SVOP: variants seen among roughly 807,000 people sequenced by gnomAD.
The protein encoded by SVOP is SV2 related protein, also known as synaptic vesicle 2-related protein.
In SVOP, 17 loss-of-function variants were observed where a neutral mutation model predicts 69.1. The ratio of observed to expected loss-of-function variants is 0.25; its 90% CI spans 0.17 to 0.37. SVOP has a LOEUF of 0.37. Ranked by LOEUF, SVOP falls within the 10% of genes least tolerant of loss-of-function variation. The pLI is 1.00. For synonymous variants in SVOP, 238 were observed against 238.6 expected, an observed-to-expected ratio of 1.00 and a Z score of 0.02; for missense variants, 435 against 597.5, an observed-to-expected ratio of 0.73 and a Z score of 2.84.
chr12:108,945,138 T>C lies in SVOP; in HGVS notation c.607A>G (p.Met203Val). 1 of 1,537,066 alleles carries C rather than the reference T, an allele frequency of 6.5e-7. No individual in the cohort carries two copies. Among genetic ancestry groups the C allele is most frequent in the Non-Finnish European group, 8.7e-7 (1 of 1,146,862 alleles). Residue 203 changes from methionine (M) to valine (V), a missense_variant, in exon 7 of 16, where the codon ATG becomes GTG. Physicochemically the swap from Met to Val is conservative, Grantham distance 21 (BLOSUM62 1). Transcript: ENST00000610966. The stretch of plus-strand genomic sequence containing the variant: ...AAAATACATTTAGCTCTGGCTTTCA[T>C]GGGAAGGAACTCGGCATACAGCGTC... ...SVTLYAEFLP[M>V]KARAKCILLI...
In SVOP at chr12:108,911,834, G is replaced by A. The variant is rs1336958584; in HGVS notation, c.*701C>T. The A allele has an allele frequency of 2.0e-5, 3 of 152,238 alleles. No homozygotes were observed. The highest frequency in any genetic ancestry group is 4.4e-5 in the Non-Finnish European group (3 of 68,086). 9.4% of individuals were successfully genotyped at this position (152,238 alleles called of 1,614,324 possible). A position where few individuals can be genotyped will look rare whatever the true frequency, so the allele number is the denominator to read the frequency against. ...TTTGGCCTCAGTCCTCAGTTCCCAG[G>A]GGGTAACGGCGTTCTGAGGTTGTCA... On this transcript the variant is annotated 3_prime_UTR_variant, in exon 16 of 16. Transcript: ENST00000610966.
intron 6 of SVOP, among the ~76,000 whole-genome samples, chr12:108,952,230 C>CTTTTTTTTTTT (rs36191772): frequency 2.0e-5 from 2 of 98,360 alleles, no homozygotes; most frequent in Non-Finnish European, 4.0e-5. Flanking sequence ...TTTCTTTTCT[C>CTTTTTTTTTTT]TTTTTTTTTT....
intron 1 of SVOP, among the ~76,000 whole-genome samples, chr12:109,003,905 A>G (rs897514299): frequency 2.6e-5 from 4 of 152,114 alleles, no homozygotes; most frequent in African/African-American, 9.7e-5. Flanking sequence ...ACAGAGCCCA[A>G]CCTCCCTGCA....
chr12:108,918,124 T>C lies in SVOP; in HGVS notation c.1269A>G (p.Arg423=). The part of the protein sequence containing the change: ...CSLLLFICVG[R]NVLTLLLFIA... ...TGAAGAGTAACAGAGTGAGCACATT[T>C]CTAGGAGGAGGATAAAGGCAGATGA... is the stretch of plus-strand genomic sequence containing the variant. The change falls in exon 14 of 16, where the codon AGA becomes AGG. Residue 423 remains arginine, a splice_region_variant and synonymous_variant. Coordinates refer to ENST00000610966, the MANE Select transcript of SVOP (RefSeq NM_018711.5). The C allele has an allele frequency of 6.4e-7, 1 of 1,562,152 alleles. No individual in the cohort carries two copies. Among genetic ancestry groups the C allele is most frequent in the African/African-American group, 1.4e-5 (1 of 73,624 alleles).
Position 108,972,768 on chromosome 12 carries a change from A to G in SVOP, c.382-292T>C, listed in dbSNP as rs546491886. On this transcript the variant is annotated intron_variant, in intron 4 of 15. Transcript: ENST00000610966. ...GTTAAGTGGCGCAGCCTGCGCTGGT[A>G]TCAGGCATTCTGGCTCCAGAACTAG... Among the ~76,000 whole-genome samples, 42 of 152,360 alleles carry G rather than the reference A, an allele frequency of 2.8e-4. No individual in the cohort carries two copies. In the Middle Eastern group the frequency reaches 0.014, roughly 49 times the overall value.
chr12:108,953,132 T>C (rs1237923822), intron 6 of SVOP, among the ~76,000 whole-genome samples: 1 of 148,232 alleles, frequency 6.7e-6, no homozygotes, highest in Non-Finnish European at 1.5e-5. Flanking sequence ...AATGATCTAA[T>C]TGACTTTTTT....
At chr12:108,940,941 G>GGTA (rs1405351496) in intron 7 of SVOP, 32 bp from the exon 8 acceptor site, 2 of 1,533,450 alleles carry the variant, frequency 1.3e-6, no homozygotes, top group South Asian at 2.4e-5. Context: ...CAGTGGTGGG[G>GGTA]GTAGCATGGT....
intron 15 of SVOP, among the ~76,000 whole-genome samples, chr12:108,914,574 T>G (rs1429330849): frequency 6.6e-6 from 1 of 152,142 alleles, no homozygotes; most frequent in Non-Finnish European, 1.5e-5. Flanking sequence ...TTCTTTCCTT[T>G]TTTTTTCTTT....
chr12:109,001,172 A>ACAAG (rs1375452150), intron 1 of SVOP, among the ~76,000 whole-genome samples: 1 of 5,548 alleles, frequency 1.8e-4, no homozygotes, highest in Admixed American at 4.0e-3. Context: ...CCAATAACAG[A>ACAAG]CAGAGAGCCA....
At chr12:108,974,410 T>C (rs887697329) in intron 4 of SVOP, among the ~76,000 whole-genome samples, 2 of 152,326 alleles carry the variant, frequency 1.3e-5, no homozygotes, top group Non-Finnish European at 1.5e-5. Context: ...AAAATTTTAG[T>C]GCTTAGAGCC....
chr12:109,013,332 G>T (rs1285362171), intron 1 of SVOP, among the ~76,000 whole-genome samples: 1 of 151,954 alleles, frequency 6.6e-6, no homozygotes, highest in Non-Finnish European at 1.5e-5. Flanking sequence ...GAGGAAGAAG[G>T]CTGCAGCTTT....
rs1281817579 is a variant in SVOP at position 109,009,318 on chromosome 12, C to G, written c.35+11516G>C. Among the ~76,000 whole-genome samples the G allele has an allele frequency of 2.6e-5, 4 of 152,080 alleles. No homozygotes were observed. In the East Asian group the frequency reaches 7.7e-4, roughly 29 times the overall value. On this transcript the variant is annotated intron_variant, in intron 1 of 15. Transcript: ENST00000610966. ...ATTTAACAACCATACAGAGGGGACC[C>G]TCTCTGTGTCAGATTTGAGTTCTTG...
intron 1 of SVOP, among the ~76,000 whole-genome samples, chr12:109,017,184 C>T (rs111762637): frequency 3.1e-4 from 47 of 152,154 alleles, no homozygotes; most frequent in African/African-American, 8.7e-4. Flanking sequence ...TGAGCATTAC[C>T]GCCCAAGCTC....
intron 5 of SVOP, among the ~76,000 whole-genome samples, chr12:108,970,932 T>C (rs1284466985): frequency 1.3e-5 from 2 of 151,938 alleles, no homozygotes; most frequent in Non-Finnish European, 2.9e-5. Context: ...GTGGGAGGAT[T>C]GCTTGAGCCC....
intron 1 of SVOP, among the ~76,000 whole-genome samples, chr12:108,998,767 A>AT (rs2040250972): frequency 6.7e-6 from 1 of 150,244 alleles, no homozygotes; most frequent in Non-Finnish European, 1.5e-5. Context: ...ATGCTGAGAG[A>AT]TTTTGTCACC....
chr12:108,983,366 ATT>A (rs1242219841), intron 2 of SVOP, among the ~76,000 whole-genome samples: 1 of 152,124 alleles, frequency 6.6e-6, no homozygotes, highest in African/African-American at 2.4e-5. Flanking sequence ...CATTATCATC[ATT>A]GTTATTGCCA....
intron 5 of SVOP, among the ~76,000 whole-genome samples, chr12:108,962,507 T>A (rs543897881): frequency 1.3e-5 from 2 of 152,106 alleles, no homozygotes; most frequent in East Asian, 3.9e-4. Context: ...AGAAATGGAG[T>A]GTTGCTATGT....
At chr12:109,006,781 A>G (rs888067842) in intron 1 of SVOP, among the ~76,000 whole-genome samples, 9 of 152,134 alleles carry the variant, frequency 5.9e-5, no homozygotes, top group Non-Finnish European at 1.2e-4. Flanking sequence ...ATTGGTTTGT[A>G]TAGGAAAGGC....
Position 108,936,056 on chromosome 12 carries a change from G to A in SVOP, c.971+1208C>T, listed in dbSNP as rs554018848. ...CACACACACACACACACACACACAT[G>A]TATTTTTGAGACAGAGTCTCACTCT... On this transcript the variant is annotated intron_variant, in intron 10 of 15. Coordinates refer to ENST00000610966, the MANE Select transcript of SVOP (RefSeq NM_018711.5). Among the ~76,000 whole-genome samples, 5 of 83,434 alleles carry A rather than the reference G, an allele frequency of 6.0e-5. No individual in the cohort carries two copies. In the South Asian group the frequency reaches 1.5e-3, roughly 26 times the overall value. The allele number at this position is 83,434 out of a possible 152,430, so 54.7% of individuals were successfully genotyped here. A position where few individuals can be genotyped will look rare whatever the true frequency, so the allele number is the denominator to read the frequency against.
Sources: gnomAD v4.1 joint callset for allele counts (sites outside exome capture counted in the v4.1 genomes callset) on GRCh38, gnomAD v4.1.1 for gene constraint, MANE v1.5 for transcripts, NCBI Gene and HGNC (gene_info 2026-07-23, HGNC 2026-07-21) for gene names.